Variants in CTIF observed in about 807,000 individuals in gnomAD.
CTIF encodes CBP80/20-dependent translation initiation factor.
In CTIF, 21 loss-of-function variants were observed where a neutral mutation model predicts 66.0. That is an observed-to-expected ratio of 0.32 (90% CI 0.23 to 0.46). CTIF has a LOEUF of 0.46. CTIF is among the 20% of genes least tolerant of loss of function. The pLI is 1.00. For missense variants in CTIF, 739 were observed against 812.7 expected (o/e 0.91, Z 1.10); for synonymous variants, 345 against 326.4 (o/e 1.06, Z -0.62).
At chr18:48,584,222 C>G (rs1599185941) in intron 1 of CTIF, among the ~76,000 whole-genome samples, 2 of 152,240 alleles carry the variant, frequency 1.3e-5, no homozygotes, top group East Asian at 3.9e-4. Context: ...ATATGATCAC[C>G]CTTTGAGATT....
intron 7 of CTIF, among the ~76,000 whole-genome samples, chr18:48,739,345 C>T (rs952630425): frequency 2.6e-5 from 4 of 152,224 alleles, no homozygotes; most frequent in African/African-American, 9.6e-5. Context: ...AAATGCACTC[C>T]CGTGTCGTGG....
intron 6 of CTIF, chr18:48,692,383 C>T (rs1442315434): frequency 3.3e-5 from 5 of 152,044 alleles, no homozygotes; most frequent in Non-Finnish European, 7.4e-5. Context: ...TCACCATACA[C>T]GAAGATCAGT....
chr18:48,549,725 G>T (rs907547), intron 1 of CTIF, among the ~76,000 whole-genome samples: 118,018 of 152,078 alleles, frequency 0.78, 46,037 homozygotes, highest in East Asian at 0.96. Context: ...TTCTATCAAG[G>T]CTCCTTGAAG....
At chr18:48,689,183 A>G (rs1360521257) in intron 6 of CTIF, among the ~76,000 whole-genome samples, 2 of 152,262 alleles carry the variant, frequency 1.3e-5, no homozygotes, top group Non-Finnish European at 2.9e-5. Flanking sequence ...TCTGTTCTGC[A>G]TACTGGGCTG....
At chr18:48,556,887 A>G (rs1332906909) in intron 1 of CTIF, among the ~76,000 whole-genome samples, 2 of 152,176 alleles carry the variant, frequency 1.3e-5, no homozygotes, top group Non-Finnish European at 1.5e-5. Context: ...TTGTGACCTT[A>G]GGAGAGTTAA....
At chr18:48,854,352 G>A (rs1004453218) in intron 10 of CTIF, among the ~76,000 whole-genome samples, 7 of 152,154 alleles carry the variant, frequency 4.6e-5, no homozygotes, top group African/African-American at 1.7e-4. Flanking sequence ...GTCATTTGGA[G>A]TCTAAACACC....
intron 10 of CTIF, among the ~76,000 whole-genome samples, chr18:48,817,578 C>A (rs1460124127): frequency 6.6e-6 from 1 of 152,122 alleles, no homozygotes; most frequent in Non-Finnish European, 1.5e-5. Flanking sequence ...GAGATCGAGA[C>A]CATCCTGGCA....
intron 10 of CTIF, among the ~76,000 whole-genome samples, chr18:48,842,397 G>C (rs914563719): frequency 7.9e-5 from 12 of 152,316 alleles, no homozygotes; most frequent in Admixed American, 4.6e-4. Flanking sequence ...AGGCCTGTGG[G>C]TGGGAGTGCT....
chr18:48,681,826 C>T (rs574899999), intron 6 of CTIF, among the ~76,000 whole-genome samples: 34 of 152,144 alleles, frequency 2.2e-4, no homozygotes, highest in Non-Finnish European at 4.7e-4. Context: ...ACTCTTGTCA[C>T]CCAGGCTGGA....
At chr18:48,666,411 G>A (rs983406885) in intron 5 of CTIF, among the ~76,000 whole-genome samples, 5 of 152,210 alleles carry the variant, frequency 3.3e-5, no homozygotes, top group African/African-American at 1.2e-4. Flanking sequence ...ACTCAGAGAA[G>A]CAAAGTAACT....
intron 10 of CTIF, among the ~76,000 whole-genome samples, chr18:48,825,331 C>A (rs867473573): frequency 1.2e-4 from 19 of 152,094 alleles, no homozygotes; most frequent in Non-Finnish European, 2.5e-4. Context: ...TGAGGGGTGC[C>A]CCCAAGGGAC....
intron 3 of CTIF, among the ~76,000 whole-genome samples, chr18:48,650,959 C>A (rs1165144077): frequency 6.6e-6 from 1 of 152,106 alleles, no homozygotes; most frequent in Admixed American, 6.5e-5. Context: ...GATTTTGTCA[C>A]CACCAGGCCT....
intron 9 of CTIF, among the ~76,000 whole-genome samples, chr18:48,763,417 A>G (rs1410097387): frequency 6.6e-6 from 1 of 152,236 alleles, no homozygotes; most frequent in African/African-American, 2.4e-5. Context: ...ACAGTCAGCC[A>G]CAAAGGGGGC....
At chr18:48,824,569 C>T (rs1027064208) in intron 10 of CTIF, among the ~76,000 whole-genome samples, 2 of 151,972 alleles carry the variant, frequency 1.3e-5, no homozygotes, top group Admixed American at 1.3e-4. Flanking sequence ...GAGCCCCTTA[C>T]TTAAAGTCCT....
chr18:48,769,023 C>T (rs1909851098), intron 9 of CTIF, among the ~76,000 whole-genome samples: 1 of 152,260 alleles, frequency 6.6e-6, no homozygotes, highest in African/African-American at 2.4e-5. Flanking sequence ...CTCTGGAGGT[C>T]AAGGGTACCT....
At chr18:48,593,330 C>G (rs2089926032) in intron 1 of CTIF, among the ~76,000 whole-genome samples, 2 of 151,930 alleles carry the variant, frequency 1.3e-5, no homozygotes, top group African/African-American at 4.8e-5. Context: ...AAATTATCCT[C>G]ATTATTGTCA....
At chr18:48,853,310 C>T (rs1464182074) in intron 10 of CTIF, among the ~76,000 whole-genome samples, 1 of 152,024 alleles carries the variant, frequency 6.6e-6, no homozygotes, top group African/African-American at 2.4e-5. Context: ...TCAGGGAAGG[C>T]CTGTCTGCCC....
At chr18:48,617,053 A>G (rs985455090) in intron 1 of CTIF, among the ~76,000 whole-genome samples, 86 of 152,238 alleles carry the variant, frequency 5.6e-4, no homozygotes, top group African/African-American at 2.1e-3. Context: ...GTTGTTAGCC[A>G]AGTTGAATTC....
At chr18:48,651,021 T>C (rs1325528476) in intron 3 of CTIF, among the ~76,000 whole-genome samples, 2 of 152,098 alleles carry the variant, frequency 1.3e-5, no homozygotes, top group African/African-American at 4.8e-5. Context: ...GAACACCCAG[T>C]ACCAGCCACT....
Sources: allele counts gnomAD v4.1 joint callset (sites outside exome capture counted in the v4.1 genomes callset), GRCh38; gene constraint gnomAD v4.1.1; transcripts MANE v1.5; gene names NCBI Gene and HGNC (gene_info 2026-07-23, HGNC 2026-07-21).